Variants in DLC1 observed in about 807,000 individuals in gnomAD.
DLC1 encodes DLC1 Rho GTPase activating protein, also known as rho GTPase-activating protein 7.
Under a neutral mutation model 140.3 loss-of-function variants are expected in DLC1, and 54 were observed. The ratio of observed to expected loss-of-function variants is 0.38; its 90% CI spans 0.31 to 0.48. DLC1 has a LOEUF of 0.48. DLC1 is among the 20% of genes least tolerant of loss of function. DLC1 has a pLI of 0.96. For synonymous variants in DLC1, 986 were observed against 728.1 expected (o/e 1.35, Z -5.70); for missense variants, 2,536 against 1,907.0 (o/e 1.33, Z -6.14).
chr8:13,566,250 C>T (rs117186102), intron 1 of DLC1, among the ~76,000 whole-genome samples: 1,779 of 152,136 alleles, frequency 0.012, 20 homozygotes, highest in Non-Finnish European at 0.017. Flanking sequence ...GATAAATTAA[C>T]GATATTAAGA....
chr8:13,132,720 G>A (rs1372421143), intron 5 of DLC1, among the ~76,000 whole-genome samples: 2 of 152,196 alleles, frequency 1.3e-5, no homozygotes, highest in Non-Finnish European at 2.9e-5. Flanking sequence ...CCAGGCAAAA[G>A]GTAATCAAGA....
chr8:13,318,830 C>G (rs1018994102), intron 4 of DLC1, among the ~76,000 whole-genome samples: 2 of 152,184 alleles, frequency 1.3e-5, no homozygotes, highest in African/African-American at 4.8e-5. Context: ...TTTCTGAATA[C>G]CTTTGCTAGC....
At chr8:13,380,545 T>G (rs547552335) in intron 4 of DLC1, among the ~76,000 whole-genome samples, 132 of 152,308 alleles carry the variant, frequency 8.7e-4, no homozygotes, top group Non-Finnish European at 1.7e-3. Flanking sequence ...TATGTACCCA[T>G]CTTTAGTCCC....
intron 7 of DLC1, among the ~76,000 whole-genome samples, chr8:13,110,221 G>A (rs1028078792): frequency 1.3e-5 from 2 of 152,050 alleles, no homozygotes; most frequent in South Asian, 2.1e-4. Context: ...AATTTCTGAC[G>A]GTTTTATTCA....
intron 9 of DLC1, 98 bp downstream of exon 9, chr8:13,099,249 T>C (rs376187754): frequency 2.3e-5 from 34 of 1,505,846 alleles, no homozygotes; most frequent in East Asian, 1.8e-4. Context: ...TGGCTAAGAA[T>C]GCCAGACTTA....
chr8:13,191,292 A>AG lies in DLC1; in HGVS notation c.1349-75636dup, dbSNP rs1262084499. Reference sequence around the variant, plus strand: ...GAGGTGGAGGCGGGTGGATCACCTGAGGTCAGCAGTTCAAGACCAGCCTGG... The same window carrying AG: ...GAGGTGGAGGCGGGTGGATCACCTGAGGGTCAGCAGTTCAAGACCAGCCTGG... On this transcript the variant is annotated intron_variant, in intron 5 of 17. Coordinates refer to ENST00000276297, the MANE Select transcript of DLC1 (RefSeq NM_182643.3). Among the ~76,000 whole-genome samples the AG allele has an allele frequency of 2.6e-5, 4 of 152,290 alleles. No homozygotes were observed. The South Asian group carries it at 8.3e-4, about 32-fold the overall frequency.
intron 5 of DLC1, among the ~76,000 whole-genome samples, chr8:13,223,843 G>A (rs1371353763): frequency 6.6e-6 from 1 of 152,084 alleles, no homozygotes; most frequent in Non-Finnish European, 1.5e-5. Flanking sequence ...ATTTTTCAGT[G>A]GTTAATATGT....
intron 5 of DLC1, among the ~76,000 whole-genome samples, chr8:13,262,978 A>G (rs1830524902): frequency 6.6e-6 from 1 of 152,346 alleles, no homozygotes; most frequent in East Asian, 1.9e-4. Context: ...GTTTGCTTAT[A>G]GAAGACATTT....
intron 1 of DLC1, among the ~76,000 whole-genome samples, chr8:13,581,167 C>G (rs1173447404): frequency 3.9e-5 from 6 of 152,220 alleles, no homozygotes; most frequent in Admixed American, 2.0e-4. Flanking sequence ...CAGTCAGGGT[C>G]AAATTTTATG....
intron 4 of DLC1, chr8:13,342,074 C>G (rs1834084368): frequency 2.0e-5 from 3 of 152,198 alleles, no homozygotes. Context: ...TGCATTCATT[C>G]TGTGAATTCC....
chr8:13,487,798 C>G (rs1462001256), intron 2 of DLC1, among the ~76,000 whole-genome samples: 1 of 152,110 alleles, frequency 6.6e-6, no homozygotes, highest in Non-Finnish European at 1.5e-5. Context: ...GTCTTGAACT[C>G]CTGACCTTGT....
intron 4 of DLC1, among the ~76,000 whole-genome samples, chr8:13,381,276 G>T (rs945251759): frequency 2.0e-5 from 3 of 152,136 alleles, no homozygotes; most frequent in Admixed American, 2.0e-4. Context: ...AGCCTCAGCC[G>T]GGAGAAGATG....
intron 1 of DLC1, among the ~76,000 whole-genome samples, chr8:13,539,150 CT>C (rs1036974090): frequency 6.6e-6 from 1 of 151,702 alleles, no homozygotes; most frequent in Non-Finnish European, 1.5e-5. Context: ...TTTAATTCTG[CT>C]TTTTTTCAGT....
intron 5 of DLC1, among the ~76,000 whole-genome samples, chr8:13,122,500 A>AG (rs1333281647): frequency 2.0e-4 from 30 of 152,028 alleles, no homozygotes; most frequent in Non-Finnish European, 3.4e-4. Flanking sequence ...AAAGAAAAAA[A>AG]AAAATCTATT....
At chr8:13,450,731 T>C (rs942949606) in intron 2 of DLC1, among the ~76,000 whole-genome samples, 2 of 152,002 alleles carry the variant, frequency 1.3e-5, no homozygotes, top group African/African-American at 2.4e-5. Flanking sequence ...CCAAATCAAA[T>C]TGTCATCCCA....
At chr8:13,303,440 G>C (rs539409395) in intron 5 of DLC1, among the ~76,000 whole-genome samples, 8 of 152,244 alleles carry the variant, frequency 5.3e-5, no homozygotes, top group Admixed American at 5.2e-4. Context: ...TCTTAAGGAG[G>C]AAAATTTCCA....
intron 3 of DLC1, among the ~76,000 whole-genome samples, chr8:13,398,259 G>C (rs289571): frequency 6.7e-6 from 1 of 149,830 alleles, no homozygotes; most frequent in Non-Finnish European, 1.5e-5. Flanking sequence ...TCCAGAAAGA[G>C]AGTCAAGAGG....
intron 1 of DLC1, among the ~76,000 whole-genome samples, chr8:13,579,653 A>C (rs1213678326): frequency 7.3e-6 from 1 of 137,224 alleles, no homozygotes; most frequent in African/African-American, 2.7e-5. Context: ...TATTATAAAA[A>C]ATATATACAC....
At chr8:13,458,875 A>C (rs1464745987) in intron 2 of DLC1, among the ~76,000 whole-genome samples, 2 of 152,164 alleles carry the variant, frequency 1.3e-5, no homozygotes, top group East Asian at 3.8e-4. Context: ...AAATCTTAAA[A>C]AGTTTACTTA....
Sources: allele counts gnomAD v4.1 joint callset (sites outside exome capture counted in the v4.1 genomes callset), GRCh38; gene constraint gnomAD v4.1.1; transcripts MANE v1.5; gene names NCBI Gene and HGNC (gene_info 2026-07-23, HGNC 2026-07-21).